Variants in C1orf21 observed in about 807,000 individuals in gnomAD.
The protein encoded by C1orf21 is chromosome 1 open reading frame 21.
Under a neutral mutation model 18.7 loss-of-function variants are expected in C1orf21, and 3 were observed. The observed-to-expected ratio is 0.16, with a 90% CI of 0.07 to 0.42. The LOEUF is 0.42. C1orf21 is among the 10% of genes least tolerant of loss of function. The probability of loss-of-function intolerance (pLI) is 0.99; values close to 1 mark genes in which losing one functional copy is unlikely to be tolerated. For missense variants in C1orf21, 104 were observed against 143.6 expected (o/e 0.72, Z 1.41); for synonymous variants, 41 against 46.4 (o/e 0.88, Z 0.47).
intron 2 of C1orf21, among the ~76,000 whole-genome samples, chr1:184,499,051 T>C (rs1306703486): frequency 6.6e-6 from 1 of 152,194 alleles, no homozygotes; most frequent in East Asian, 1.9e-4. Flanking sequence ...ATCCAGAACA[T>C]TGAAAGGGCT....
intron 1 of C1orf21, among the ~76,000 whole-genome samples, chr1:184,447,954 A>G (rs1657058528): frequency 6.6e-6 from 1 of 152,144 alleles, no homozygotes; most frequent in African/African-American, 2.4e-5. Flanking sequence ...ACCTATTTAC[A>G]GCATGACGTA....
Position 184,513,163 on chromosome 1 carries a change from G to C in C1orf21, c.189+5481G>C, listed in dbSNP as rs564314235. ...CCAGTTCCTGGTGTCAAAAAGGTTG[G>C]GGACCACTGTATTAAAGTATTAGAA... On this transcript the variant is annotated intron_variant, in intron 3 of 5. Transcript: ENST00000235307. Among the ~76,000 whole-genome samples, 16 of 152,322 alleles carry C rather than the reference G, an allele frequency of 1.1e-4. No individual in the cohort carries two copies. The East Asian group carries it at 3.1e-3, about 29-fold the overall frequency.
chr1:184,570,768 C>T (rs1571282311), intron 3 of C1orf21, among the ~76,000 whole-genome samples: 1 of 152,184 alleles, frequency 6.6e-6, no homozygotes, highest in African/African-American at 2.4e-5. Context: ...TATTCACAGT[C>T]ATGGGTTGCT....
At chr1:184,583,744 T>A (rs1659314365) in intron 3 of C1orf21, among the ~76,000 whole-genome samples, 1 of 152,212 alleles carries the variant, frequency 6.6e-6, no homozygotes, top group South Asian at 2.1e-4. Flanking sequence ...AACTCTATTT[T>A]AACACACATC....
intron 1 of C1orf21, among the ~76,000 whole-genome samples, chr1:184,411,474 T>C (rs1463633000): frequency 2.1e-5 from 3 of 139,984 alleles, no homozygotes; most frequent in Non-Finnish European, 4.5e-5. Flanking sequence ...CAGGCTGGAG[T>C]GCAGTGGTGC....
intron 1 of C1orf21, among the ~76,000 whole-genome samples, chr1:184,467,117 G>T (rs1011930238): frequency 2.0e-5 from 3 of 152,158 alleles, no homozygotes; most frequent in African/African-American, 4.8e-5. Flanking sequence ...AGAAGTCATT[G>T]TCCATGCAGG....
chr1:184,567,266 A>G (rs1659047617), intron 3 of C1orf21: 3 of 459,768 alleles, frequency 6.5e-6, no homozygotes, highest in South Asian at 5.3e-5. Context: ...TCAGAAGGAG[A>G]CTGTAAAGGA....
At chr1:184,454,512 A>G (rs1657168600) in intron 1 of C1orf21, among the ~76,000 whole-genome samples, 1 of 152,122 alleles carries the variant, frequency 6.6e-6, no homozygotes, top group African/African-American at 2.4e-5. Context: ...TCTCATGTCA[A>G]ACTGTGGTCC....
At chr1:184,415,635 T>C (rs1245793000) in intron 1 of C1orf21, among the ~76,000 whole-genome samples, 1 of 152,120 alleles carries the variant, frequency 6.6e-6, no homozygotes, top group Non-Finnish European at 1.5e-5. Context: ...GAAAGGAAAT[T>C]ATTGGAAGCA....
chr1:184,535,620 G>T (rs1205626038), intron 3 of C1orf21, among the ~76,000 whole-genome samples: 13 of 152,198 alleles, frequency 8.5e-5, no homozygotes, highest in Non-Finnish European at 1.9e-4. Flanking sequence ...CTATGAAAAA[G>T]TTAACTAAAA....
At chr1:184,607,487 C>CA (rs1659663580) in intron 5 of C1orf21, among the ~76,000 whole-genome samples, 1 of 151,760 alleles carries the variant, frequency 6.6e-6, no homozygotes. Flanking sequence ...ATTCAACAGC[C>CA]AAAAAACTGG....
At chr1:184,572,553 CAG>C (rs1659127632) in intron 3 of C1orf21, among the ~76,000 whole-genome samples, 1 of 152,144 alleles carries the variant, frequency 6.6e-6, no homozygotes, top group East Asian at 1.9e-4. Context: ...TTCTATCAAT[CAG>C]AAAACCCTGG....
chr1:184,547,842 T>A (rs1275660806), intron 3 of C1orf21, among the ~76,000 whole-genome samples: 1 of 152,008 alleles, frequency 6.6e-6, no homozygotes, highest in African/African-American at 2.4e-5. Flanking sequence ...TCAGTAACAG[T>A]TGTTTGACAT....
intron 5 of C1orf21, among the ~76,000 whole-genome samples, chr1:184,617,147 TA>T (rs943494683): frequency 6.6e-6 from 1 of 152,186 alleles, no homozygotes; most frequent in African/African-American, 2.4e-5. Context: ...CCAGACACTA[TA>T]TTTTTTTCCA....
chr1:184,430,706 T>G (rs1425499701), intron 1 of C1orf21, among the ~76,000 whole-genome samples: 1 of 152,242 alleles, frequency 6.6e-6, no homozygotes, highest in Non-Finnish European at 1.5e-5. Context: ...TTTTCATCTT[T>G]GGTTCTAATT....
intron 1 of C1orf21, among the ~76,000 whole-genome samples, chr1:184,435,745 G>A (rs781278501): frequency 6.6e-6 from 1 of 152,208 alleles, no homozygotes; most frequent in Non-Finnish European, 1.5e-5. Context: ...AAGGAGCCTG[G>A]AAGAACAACC....
intron 1 of C1orf21, among the ~76,000 whole-genome samples, chr1:184,426,173 G>A (rs576497328): frequency 6.6e-5 from 10 of 152,312 alleles, no homozygotes; most frequent in East Asian, 3.9e-4. Flanking sequence ...TATCTCTGGC[G>A]TTGTTTTATG....
In C1orf21 at chr1:184,590,800, A is replaced by G; in HGVS notation, c.251A>G (p.His84Arg). ...KTNKEVPGLV[H>R]QPRANMHISE... ...AATAAAGAGGTTCCGGGATTAGTTC[A>G]TCAACCCAGAGCAAAGTAAGTTCTA... The change falls in exon 4 of 6, where the codon CAT becomes CGT. Residue 84 changes from histidine to arginine, a missense_variant. Coordinates refer to ENST00000235307, the MANE Select transcript of C1orf21 (RefSeq NM_030806.4). 6.2e-7 allele frequency: 1 copy of G among 1,614,038 alleles called. No homozygotes were observed. Among genetic ancestry groups the G allele is most frequent in the African/African-American group, 1.3e-5 (1 of 75,072 alleles).
intron 3 of C1orf21, among the ~76,000 whole-genome samples, chr1:184,517,155 G>T (rs1313161052): frequency 6.6e-6 from 1 of 152,200 alleles, no homozygotes; most frequent in African/African-American, 2.4e-5. Flanking sequence ...AATATAACTT[G>T]TGAGGAATAA....
Sources: gnomAD v4.1 joint callset for allele counts (sites outside exome capture counted in the v4.1 genomes callset) on GRCh38, gnomAD v4.1.1 for gene constraint, MANE v1.5 for transcripts, NCBI Gene and HGNC (gene_info 2026-07-23, HGNC 2026-07-21) for gene names.